The following CHRM3 variants were observed in gnomAD, a reference collection of about 807,000 sequenced individuals.
CHRM3 encodes muscarinic acetylcholine receptor M3.
CHRM3 carries 11 observed loss-of-function variants against 41.8 expected under a neutral mutation model. That is an observed-to-expected ratio of 0.26 (90% CI 0.17 to 0.44). The LOEUF (loss-of-function observed/expected upper bound fraction) is 0.44, where lower values mean the gene tolerates loss of function less well. Among genes scored for constraint, CHRM3 ranks in the 20% least tolerant of loss-of-function variants. CHRM3 has a pLI of 1.00. For missense variants in CHRM3, 571 were observed against 745.4 expected, an observed-to-expected ratio of 0.77 and a Z score of 2.72; for synonymous variants, 297 against 301.4, an observed-to-expected ratio of 0.99 and a Z score of 0.15.
At chr1:239,812,639 A>G (rs1558144713) in intron 5 of CHRM3, among the ~76,000 whole-genome samples, 1 of 152,212 alleles carries the variant, frequency 6.6e-6, no homozygotes, top group Non-Finnish European at 1.5e-5. Flanking sequence ...GGCAAAACAA[A>G]AATTTATTTT....
chr1:239,856,425 C>T (rs1421253989), intron 6 of CHRM3, among the ~76,000 whole-genome samples: 1 of 152,052 alleles, frequency 6.6e-6, no homozygotes, highest in Admixed American at 6.6e-5. Flanking sequence ...TAGCACTTCC[C>T]TTTTCATGCT....
chr1:239,751,470 A>G (rs1324684925), intron 5 of CHRM3, among the ~76,000 whole-genome samples: 2 of 152,200 alleles, frequency 1.3e-5, no homozygotes, highest in East Asian at 3.9e-4. Flanking sequence ...TAAATCTCTA[A>G]TTTACATCAG....
At chr1:239,809,237 G>T (rs1012438264) in intron 5 of CHRM3, among the ~76,000 whole-genome samples, 3 of 151,868 alleles carry the variant, frequency 2.0e-5, no homozygotes, top group Admixed American at 6.6e-5. Context: ...AGCCAGGATG[G>T]TCTCGATCTC....
intron 6 of CHRM3, among the ~76,000 whole-genome samples, chr1:239,901,470 T>C (rs968324319): frequency 2.0e-5 from 3 of 152,168 alleles, no homozygotes; most frequent in African/African-American, 7.2e-5. Context: ...CTTTCTATCC[T>C]TCTATGACAA....
At chr1:239,585,069 ATATATG>A (rs1663275368) in intron 3 of CHRM3, among the ~76,000 whole-genome samples, 1 of 149,678 alleles carries the variant, frequency 6.7e-6, no homozygotes, top group African/African-American at 2.4e-5. Flanking sequence ...ATATATATAT[ATATATG>A]TATACACACA....
At chr1:239,646,716 T>C (rs1443912955) in intron 4 of CHRM3, among the ~76,000 whole-genome samples, 2 of 151,870 alleles carry the variant, frequency 1.3e-5, no homozygotes, top group Non-Finnish European at 2.9e-5. Context: ...GGTGTGTGGG[T>C]TATGAGGATG....
At chr1:239,629,010 T>G in intron 3 of CHRM3, 1 of 41,234 alleles carries the variant, frequency 2.4e-5, no homozygotes, top group Non-Finnish European at 4.3e-5. Context: ...CAGGCCTCCT[T>G]GAGCTGTGGT....
At chr1:239,459,903 G>A (rs906709083) in intron 1 of CHRM3, among the ~76,000 whole-genome samples, 1 of 152,132 alleles carries the variant, frequency 6.6e-6, no homozygotes, top group African/African-American at 2.4e-5. Context: ...AACATTTGAA[G>A]TATTCATTTT....
At chr1:239,729,994 A>G (rs952936920) in intron 5 of CHRM3, among the ~76,000 whole-genome samples, 32 of 151,954 alleles carry the variant, frequency 2.1e-4, no homozygotes, top group Non-Finnish European at 8.8e-5. Flanking sequence ...CAAAACAACT[A>G]TCTTTGAACT....
chr1:239,551,628 T>C (rs1266093037), intron 3 of CHRM3, among the ~76,000 whole-genome samples: 1 of 152,168 alleles, frequency 6.6e-6, no homozygotes, highest in Non-Finnish European at 1.5e-5. Context: ...ATTGTGTGAT[T>C]TTAACTGAAA....
At chr1:239,823,642 A>G (rs1558154722) in intron 5 of CHRM3, among the ~76,000 whole-genome samples, 1 of 152,144 alleles carries the variant, frequency 6.6e-6, no homozygotes, top group Non-Finnish European at 1.5e-5. Context: ...ATCATCCTTC[A>G]GAAGCAATTA....
At chr1:239,577,214 C>A (rs1050669889) in intron 3 of CHRM3, among the ~76,000 whole-genome samples, 4 of 152,108 alleles carry the variant, frequency 2.6e-5, no homozygotes, top group Non-Finnish European at 5.9e-5. Context: ...ACTCTCCCAG[C>A]CTTTTCCTTC....
At chr1:239,403,696 T>C (rs1469426953) in intron 1 of CHRM3, among the ~76,000 whole-genome samples, 1 of 151,904 alleles carries the variant, frequency 6.6e-6, no homozygotes, top group Admixed American at 6.6e-5. Flanking sequence ...CTCTTGAAGG[T>C]TTTTGTAACC....
At chr1:239,684,742 A>AAG (rs1558452012) in intron 5 of CHRM3, among the ~76,000 whole-genome samples, 6 of 125,794 alleles carry the variant, frequency 4.8e-5, no homozygotes, top group East Asian at 2.1e-4. Flanking sequence ...GAAAGAGAGA[A>AAG]AGAAAGAGAA....
Position 239,765,708 on chromosome 1 carries a change from C to T in CHRM3, c.-146-61544C>T, listed in dbSNP as rs1033421896. ...GAATGTATGGATACGTTAAAAAGGG[C>T]CTCAAGCAGTCAGTATATTCAGCAA... is the stretch of plus-strand genomic sequence containing the variant. On this transcript the variant is annotated intron_variant, in intron 5 of 6. Transcript: ENST00000676153. 3.1e-4 allele frequency among the ~76,000 whole-genome samples: 47 copies of T among 152,134 alleles called. 1 individual carries two copies. The highest frequency in any genetic ancestry group is 1.1e-3 in the African/African-American group (45 of 41,500).
intron 6 of CHRM3, among the ~76,000 whole-genome samples, chr1:239,860,075 T>C (rs894761514): frequency 1.3e-5 from 2 of 152,044 alleles, no homozygotes; most frequent in South Asian, 2.1e-4. Context: ...CTAAATTGTA[T>C]GCAGCCACAC....
At chr1:239,542,412 A>G (rs914368607) in intron 2 of CHRM3, among the ~76,000 whole-genome samples, 1 of 152,180 alleles carries the variant, frequency 6.6e-6, no homozygotes. Context: ...AGAGAACTGA[A>G]TATCTGGCAA....
intron 5 of CHRM3, among the ~76,000 whole-genome samples, chr1:239,789,335 C>T (rs1026072355): frequency 6.6e-6 from 1 of 152,138 alleles, no homozygotes; most frequent in African/African-American, 2.4e-5. Flanking sequence ...AGTCTCTGAA[C>T]AATAAATAAG....
intron 5 of CHRM3, among the ~76,000 whole-genome samples, chr1:239,694,158 T>C (rs1659965134): frequency 6.6e-6 from 1 of 152,154 alleles, no homozygotes; most frequent in South Asian, 2.1e-4. Context: ...TTAGAGCATA[T>C]TTACATATGT....
Sources: allele counts gnomAD v4.1 joint callset (sites outside exome capture counted in the v4.1 genomes callset), GRCh38; gene constraint gnomAD v4.1.1; transcripts MANE v1.5; gene names NCBI Gene and HGNC (gene_info 2026-07-23, HGNC 2026-07-21).